The following CIMAP1D variants were observed in gnomAD, a reference collection of about 807,000 sequenced individuals.
CIMAP1D encodes protein CIMAP1D.
the CIMAP1D span, among the ~76,000 whole-genome samples, chr19:473,256 C>G: frequency 2.7e-4 from 6 of 22,492 alleles, 2 homozygotes; most frequent in Non-Finnish European, 4.1e-4. Flanking sequence ...AGACTGAGGC[C>G]TGAGCCTCCC....
chr19:480,472 T>C, the CIMAP1D span, among the ~76,000 whole-genome samples: 1 of 145,680 alleles, frequency 6.9e-6, no homozygotes, highest in East Asian at 2.0e-4. Context: ...ATGGGAAGGA[T>C]GATGGGGAAG....
chr19:485,328 C>T, the CIMAP1D span, among the ~76,000 whole-genome samples: 1 of 152,214 alleles, frequency 6.6e-6, no homozygotes, highest in African/African-American at 2.4e-5. Context: ...CGGGCGTGCC[C>T]GAGCCCCGTG....
chr19:472,410 G>C, the CIMAP1D span: 1 of 1,540,060 alleles, frequency 6.5e-7, no homozygotes, highest in South Asian at 1.2e-5. Flanking sequence ...TGGGCCTCCG[G>C]ACGAGCGAGT....
the CIMAP1D span, chr19:467,642 T>G: frequency 3.1e-6 from 5 of 1,596,174 alleles, no homozygotes; most frequent in Non-Finnish European, 4.3e-6. Context: ...TTGGCTCCAG[T>G]ACTCACCCCG....
chr19:479,930 C>T, the CIMAP1D span, among the ~76,000 whole-genome samples: 1 of 152,138 alleles, frequency 6.6e-6, no homozygotes, highest in African/African-American at 2.4e-5. Flanking sequence ...TAAAAGTTTC[C>T]TTTGTTTCTT....
the CIMAP1D span, among the ~76,000 whole-genome samples, chr19:484,711 CG>C: frequency 6.6e-6 from 1 of 152,006 alleles, no homozygotes. Flanking sequence ...GGCGGAGGAG[CG>C]AGGAGGAGGC....
At chr19:467,230 G>A in the CIMAP1D span, among the ~76,000 whole-genome samples, 648 of 124,354 alleles carry the variant, frequency 5.2e-3, no homozygotes, top group East Asian at 0.015. Flanking sequence ...GGACGGGTGG[G>A]TAGATGGTTG....
chr19:466,302 G>A, the CIMAP1D span, among the ~76,000 whole-genome samples: 12 of 132,916 alleles, frequency 9.0e-5, no homozygotes, highest in East Asian at 2.6e-4. Flanking sequence ...TGGATGAGTG[G>A]ATGGATGGGT....
At chr19:477,546 C>T in the CIMAP1D span, among the ~76,000 whole-genome samples, 3 of 151,840 alleles carry the variant, frequency 2.0e-5, no homozygotes, top group Non-Finnish European at 2.9e-5. Context: ...AGGATCACAC[C>T]GCTGCACTCC....
chr19:480,542 GGAAGGATGATGGA>G, the CIMAP1D span, among the ~76,000 whole-genome samples: 1 of 99,054 alleles, frequency 1.0e-5, no homozygotes, highest in South Asian at 3.2e-4. Flanking sequence ...AGGATGATGG[GGAAGGATGATGGA>G]GAACGATGAT....
chr19:469,254 C>G, the CIMAP1D span, among the ~76,000 whole-genome samples: 1 of 150,100 alleles, frequency 6.7e-6, no homozygotes, highest in Non-Finnish European at 1.5e-5. Context: ...GTGTCTCACT[C>G]TATCGCCCAG....
At chr19:471,370 G>A in the CIMAP1D span, among the ~76,000 whole-genome samples, 1 of 151,792 alleles carries the variant, frequency 6.6e-6, no homozygotes, top group South Asian at 2.1e-4. Flanking sequence ...GGATGGTCTC[G>A]ATCTCCTGAC....
the CIMAP1D span, among the ~76,000 whole-genome samples, chr19:477,425 T>G: frequency 6.6e-6 from 1 of 151,258 alleles, no homozygotes; most frequent in Non-Finnish European, 1.5e-5. Context: ...AATAAAAAAA[T>G]TAGCTGGGCA....
chr19:475,191 A>G, the CIMAP1D span, among the ~76,000 whole-genome samples: 1 of 152,192 alleles, frequency 6.6e-6, no homozygotes, highest in African/African-American at 2.4e-5. Flanking sequence ...ACTGAGGCAC[A>G]GCCCAAGGTC....
the CIMAP1D span, among the ~76,000 whole-genome samples, chr19:465,090 G>A: frequency 6.8e-4 from 86 of 126,398 alleles, 1 homozygote; most frequent in Admixed American, 6.5e-3. Context: ...AGGATGGATA[G>A]GTGGATGGGT....
the CIMAP1D span, chr19:474,605 C>A: frequency 6.6e-7 from 1 of 1,503,812 alleles, no homozygotes; most frequent in Non-Finnish European, 9.0e-7. Flanking sequence ...ACCCATCCCC[C>A]ACGGCTGGCA....
the CIMAP1D span, among the ~76,000 whole-genome samples, chr19:473,103 G>A: frequency 7.9e-6 from 1 of 126,960 alleles, no homozygotes; most frequent in African/African-American, 3.1e-5. Context: ...GAGATACACG[G>A]TCACAGATCG....
chr19:474,243 G>A, the CIMAP1D span, among the ~76,000 whole-genome samples: 1 of 152,150 alleles, frequency 6.6e-6, no homozygotes, highest in African/African-American at 2.4e-5. Flanking sequence ...CAGCAGAGCC[G>A]CCTCCGCACA....
At chr19:488,746 G>A in the CIMAP1D span, among the ~76,000 whole-genome samples, 1 of 152,048 alleles carries the variant, frequency 6.6e-6, no homozygotes, top group Non-Finnish European at 1.5e-5. Context: ...CCAGCGCCGG[G>A]GAACAGGACC....
Sources: gnomAD v4.1 joint callset for allele counts (sites outside exome capture counted in the v4.1 genomes callset) on GRCh38, gnomAD v4.1.1 for gene constraint, MANE v1.5 for transcripts, NCBI Gene and HGNC (gene_info 2026-07-23, HGNC 2026-07-21) for gene names.